EHBP1: variants seen among roughly 807,000 people sequenced by gnomAD.
EHBP1 encodes the protein EH domain binding protein 1.
Under a neutral mutation model 144.0 loss-of-function variants are expected in EHBP1, and 55 were observed. The ratio of observed to expected loss-of-function variants is 0.38; its 90% CI spans 0.31 to 0.48. The LOEUF (loss-of-function observed/expected upper bound fraction) is 0.48. Ranked by LOEUF, EHBP1 falls within the 20% of genes least tolerant of loss-of-function variation. The probability of loss-of-function intolerance (pLI) is 0.98; values close to 1 mark genes in which losing one functional copy is unlikely to be tolerated. For missense variants in EHBP1, 1,200 were observed against 1,364.2 expected, an observed-to-expected ratio of 0.88 and a Z score of 1.90; for synonymous variants, 469 against 472.7, an observed-to-expected ratio of 0.99 and a Z score of 0.10.
Position 62,993,511 on chromosome 2 carries a change from T to C in EHBP1, c.2734-19T>C, listed in dbSNP as rs888703876. On this transcript the variant is annotated intron_variant, in intron 16 of 22. Coordinates refer to ENST00000431489, the MANE Select transcript of EHBP1 (RefSeq NM_001142616.3). ...TTATGAGATCAGGACTCTCTTACCATGTGTTGTTTTACGTTTAGAGTGGCA... is the reference window on the plus strand; with the variant it reads ...TTATGAGATCAGGACTCTCTTACCACGTGTTGTTTTACGTTTAGAGTGGCA... 6.5e-7 allele frequency: 1 copy of C among 1,539,690 alleles called. No homozygotes were observed. The highest frequency in any genetic ancestry group is 8.8e-7 in the Non-Finnish European group (1 of 1,136,600).
intron 4 of EHBP1, among the ~76,000 whole-genome samples, chr2:62,769,020 A>G (rs935111790): frequency 1.3e-5 from 2 of 152,220 alleles, no homozygotes; most frequent in African/African-American, 2.4e-5. Context: ...TATCAAAATA[A>G]TAGCTATCGA....
chr2:62,875,813 A>G (rs763433873), intron 10 of EHBP1, among the ~76,000 whole-genome samples: 1 of 152,158 alleles, frequency 6.6e-6, no homozygotes, highest in Non-Finnish European at 1.5e-5. Context: ...GAGCTGAAAA[A>G]CTCACTAGAA....
intron 10 of EHBP1, among the ~76,000 whole-genome samples, chr2:62,882,883 A>G (rs201684985): frequency 0.048 from 6 of 124 alleles, no homozygotes; most frequent in Non-Finnish European, 0.077. Context: ...ACTCCCTCTC[A>G]AAAAAAAAAA....
chr2:63,042,177 C>T (rs2061687019), intron 21 of EHBP1, among the ~76,000 whole-genome samples: 1 of 151,910 alleles, frequency 6.6e-6, no homozygotes, highest in Non-Finnish European at 1.5e-5. Flanking sequence ...TTTGTCCAAG[C>T]CAAAGTCAGT....
intron 8 of EHBP1, among the ~76,000 whole-genome samples, chr2:62,862,533 C>T (rs1331954247): frequency 6.6e-6 from 1 of 152,038 alleles, no homozygotes; most frequent in Non-Finnish European, 1.5e-5. Context: ...TAGCTTGACA[C>T]CGGGAGAGGT....
At position 62,863,837 on chromosome 2, in the gene EHBP1, GTTGTTTTTTTTTTTT is replaced by G. The variant is rs1278764556; in HGVS notation, c.758-891_758-877del. Among the ~76,000 whole-genome samples the G allele has an allele frequency of 1.2e-3, 92 of 74,584 alleles. 2 individuals carry two copies. Among genetic ancestry groups the G allele is most frequent in the African/African-American group, 4.4e-3 (90 of 20,358 alleles). 48.9% of individuals were successfully genotyped at this position (74,584 alleles called of 152,430 possible). On this transcript the variant is annotated intron_variant, in intron 8 of 22. Transcript: ENST00000431489. ...ATTTTTTTAAATTTTATTTTTCTGTGTTGTTTTTTTTTTTTTTTTTTTTTTTTTAAACAGAGTCTC... is the reference window on the plus strand; with the variant it reads ...ATTTTTTTAAATTTTATTTTTCTGTGTTTTTTTTTTTTTAAACAGAGTCTC...
At chr2:62,826,944 C>T (rs145093738) in intron 6 of EHBP1, among the ~76,000 whole-genome samples, 3 of 152,160 alleles carry the variant, frequency 2.0e-5, no homozygotes, top group South Asian at 2.1e-4. Context: ...GTGAATGTTA[C>T]GGGTGTTGTG....
intron 3 of EHBP1, among the ~76,000 whole-genome samples, chr2:62,760,278 A>G (rs1156565497): frequency 1.3e-5 from 2 of 152,198 alleles, no homozygotes; most frequent in South Asian, 2.1e-4. Flanking sequence ...CTATTTAGCT[A>G]GACTAATTGA....
chr2:63,026,294 TTGTG>T (rs60109170), intron 19 of EHBP1, among the ~76,000 whole-genome samples: 25,054 of 128,910 alleles, frequency 0.19, 2,178 homozygotes, highest in East Asian at 0.36. Flanking sequence ...GCTCTCTACC[TTGTG>T]TGTGTGTGTG....
At chr2:62,840,673 G>A (rs2047750027) in intron 7 of EHBP1, among the ~76,000 whole-genome samples, 2 of 151,306 alleles carry the variant, frequency 1.3e-5, no homozygotes, top group Non-Finnish European at 2.9e-5. Context: ...TCAAAAAGTG[G>A]GCGAAGGACA....
At chr2:62,755,467 G>T (rs1231792727) in intron 3 of EHBP1, among the ~76,000 whole-genome samples, 1 of 150,628 alleles carries the variant, frequency 6.6e-6, no homozygotes, top group Non-Finnish European at 1.5e-5. Context: ...AGACATTATT[G>T]TACAAGTGTC....
chr2:62,925,268 G>A (rs1210457520), intron 10 of EHBP1, among the ~76,000 whole-genome samples: 1 of 151,894 alleles, frequency 6.6e-6, no homozygotes, highest in Non-Finnish European at 1.5e-5. Flanking sequence ...GAGGGTGAAA[G>A]CTTTTTCTGT....
At chr2:63,014,338 T>TGCTA (rs982333864) in intron 19 of EHBP1, among the ~76,000 whole-genome samples, 2 of 152,246 alleles carry the variant, frequency 1.3e-5, no homozygotes, top group Admixed American at 6.5e-5. Flanking sequence ...GTAGCCTTGA[T>TGCTA]GCTAGCTATT....
intron 5 of EHBP1, among the ~76,000 whole-genome samples, chr2:62,807,060 T>G (rs920291659): frequency 1.3e-5 from 2 of 152,224 alleles, no homozygotes; most frequent in African/African-American, 2.4e-5. Context: ...GTTTTCAATT[T>G]GCATTTTGTT....
intron 19 of EHBP1, among the ~76,000 whole-genome samples, chr2:63,009,988 CT>C (rs1254679123): frequency 1.3e-5 from 2 of 151,392 alleles, no homozygotes; most frequent in African/African-American, 2.4e-5. Context: ...CTATGTTCCC[CT>C]CCCCCCAAAA....
At chr2:62,729,127 C>T in intron 2 of EHBP1, among the ~76,000 whole-genome samples, 1 of 149,812 alleles carries the variant, frequency 6.7e-6, no homozygotes, top group East Asian at 1.9e-4. Flanking sequence ...AGTACTTTCA[C>T]TTTACTTTTT....
At chr2:63,040,361 AC>A (rs1226951917) in intron 21 of EHBP1, among the ~76,000 whole-genome samples, 1 of 152,050 alleles carries the variant, frequency 6.6e-6, no homozygotes, top group African/African-American at 2.4e-5. Flanking sequence ...ATTGGTTCTA[AC>A]CCCAAAACCA....
Position 62,948,563 on chromosome 2 carries a change from T to C in EHBP1, c.1717T>C (p.Leu573=). ...GCCTATCAGCGGAGCAGTAGACTTC[T>C]TATCACAGGATGACTCTGTATTTGT... ...QQPISGAVDF[L]SQDDSVFVND... is the part of the protein sequence containing the mutation. Residue 573 remains leucine (L), a synonymous_variant, in exon 13 of 23, where the codon TTA becomes CTA. Transcript: ENST00000431489. 5 of 1,614,106 alleles carry C rather than the reference T, an allele frequency of 3.1e-6. No homozygotes were observed. Among genetic ancestry groups the C allele is most frequent in the Non-Finnish European group, 4.2e-6 (5 of 1,179,998 alleles).
At chr2:62,743,088 T>C (rs929011805) in intron 2 of EHBP1, among the ~76,000 whole-genome samples, 2 of 152,124 alleles carry the variant, frequency 1.3e-5, no homozygotes, top group Non-Finnish European at 2.9e-5. Flanking sequence ...TCTTCTCTTA[T>C]TATATCGTAT....
Sources: gnomAD v4.1 joint callset for allele counts (sites outside exome capture counted in the v4.1 genomes callset) on GRCh38, gnomAD v4.1.1 for gene constraint, MANE v1.5 for transcripts, NCBI Gene and HGNC (gene_info 2026-07-23, HGNC 2026-07-21) for gene names.